The following SMOC1 variants were observed in gnomAD, a reference collection of about 807,000 sequenced individuals.
The protein encoded by SMOC1 is SPARC-related modular calcium-binding protein 1.
A neutral mutation model predicts 56.3 loss-of-function variants in SMOC1; 22 were observed. The observed-to-expected ratio is 0.39, with a 90% confidence interval of 0.28 to 0.56. SMOC1 has a LOEUF of 0.56. Ranked by LOEUF, SMOC1 falls within the 20% of genes least tolerant of loss-of-function variation. The probability of loss-of-function intolerance (pLI) is 0.61; values close to 1 mark genes in which losing one functional copy is unlikely to be tolerated. For missense variants in SMOC1, 509 were observed against 565.4 expected (o/e 0.90, Z 1.01); for synonymous variants, 193 against 215.0 (o/e 0.90, Z 0.89).
intron 1 of SMOC1, among the ~76,000 whole-genome samples, chr14:69,943,314 A>G (rs370846690): frequency 6.6e-6 from 1 of 152,256 alleles, no homozygotes; most frequent in East Asian, 1.9e-4. Context: ...TCCCTCTTCC[A>G]TCTTCACGGA....
intron 3 of SMOC1, among the ~76,000 whole-genome samples, chr14:69,972,608 A>G (rs1019605781): frequency 2.6e-5 from 4 of 152,064 alleles, no homozygotes; most frequent in Non-Finnish European, 4.4e-5. Context: ...GGCTCTGGGG[A>G]GAAAGGAGCT....
At chr14:69,969,994 A>G (rs10149245) in intron 3 of SMOC1, among the ~76,000 whole-genome samples, 4,967 of 151,750 alleles carry the variant, frequency 0.033, 160 homozygotes, top group Middle Eastern at 0.099. Flanking sequence ...TAGGAAAGCA[A>G]GGGTGATTGG....
chr14:70,025,534 C>A (rs1458668819), intron 11 of SMOC1, among the ~76,000 whole-genome samples: 1 of 152,168 alleles, frequency 6.6e-6, no homozygotes, highest in East Asian at 1.9e-4. Context: ...AGCAATGAGT[C>A]AATGGTTCAA....
At chr14:70,010,442 G>A (rs1403288587) in intron 7 of SMOC1, among the ~76,000 whole-genome samples, 2 of 152,226 alleles carry the variant, frequency 1.3e-5, no homozygotes, top group Non-Finnish European at 2.9e-5. Flanking sequence ...CCACCCTTGG[G>A]ACAAGCTGCC....
chr14:69,968,341 A>T (rs1181886873), intron 3 of SMOC1, among the ~76,000 whole-genome samples: 1 of 152,216 alleles, frequency 6.6e-6, no homozygotes, highest in East Asian at 1.9e-4. Context: ...AGGCCCAGCA[A>T]TGTTTTCATA....
chr14:69,903,912 AAAAAG>A (rs1414246048), intron 1 of SMOC1, among the ~76,000 whole-genome samples: 2 of 151,874 alleles, frequency 1.3e-5, no homozygotes, highest in Admixed American at 6.5e-5. Flanking sequence ...AAAAAAAAAA[AAAAAG>A]AAAGAAAACC....
chr14:69,956,522 T>G (rs576121650), intron 3 of SMOC1, among the ~76,000 whole-genome samples: 33 of 151,460 alleles, frequency 2.2e-4, no homozygotes, highest in Admixed American at 9.2e-4. Context: ...CTTTAGAATA[T>G]TGATATGCAC....
intron 1 of SMOC1, among the ~76,000 whole-genome samples, chr14:69,901,557 G>T (rs1158589218): frequency 6.6e-6 from 1 of 152,172 alleles, no homozygotes; most frequent in Non-Finnish European, 1.5e-5. Context: ...GGGGGATGTT[G>T]TGTTTGCATC....
chr14:69,955,000 A>C (rs1207990089), intron 3 of SMOC1, among the ~76,000 whole-genome samples: 1 of 152,208 alleles, frequency 6.6e-6, no homozygotes, highest in African/African-American at 2.4e-5. Flanking sequence ...TCAAATGGGC[A>C]GCCAGGCTTG....
intron 1 of SMOC1, among the ~76,000 whole-genome samples, chr14:69,921,078 G>A (rs923258214): frequency 4.6e-5 from 7 of 152,166 alleles, no homozygotes; most frequent in African/African-American, 1.4e-4. Context: ...TGTCCTGAGA[G>A]CTTCTCAGAG....
At chr14:69,969,910 A>G (rs1883699462) in intron 3 of SMOC1, among the ~76,000 whole-genome samples, 2 of 152,248 alleles carry the variant, frequency 1.3e-5, no homozygotes, top group Admixed American at 6.5e-5. Context: ...TGGAGAGAAC[A>G]GCAGCCTCAC....
In SMOC1 at chr14:69,953,594, G is replaced by A. The variant is rs990216713; in HGVS notation, c.378+62G>A. The A allele has an allele frequency of 1.8e-5, 25 of 1,397,912 alleles. No homozygotes were observed. In the East Asian group the frequency reaches 2.3e-4, roughly 13 times the overall value. The allele number at this position is 1,397,912 out of a possible 1,614,324, so 86.6% of individuals were successfully genotyped here. ...GACCGAGGCAGAGGGGAGGTGTCCC[G>A]AGAGCGCGAGGGCTGCTTGGCGCCT... is the stretch of plus-strand genomic sequence containing the variant. On this transcript the variant is annotated intron_variant, in intron 3 of 11. Transcript: ENST00000361956.
intron 10 of SMOC1, among the ~76,000 whole-genome samples, chr14:70,020,954 T>C (rs909758133): frequency 1.3e-5 from 2 of 152,044 alleles, no homozygotes; most frequent in African/African-American, 2.4e-5. Context: ...CAGAAACACG[T>C]GTTGGAGGGA....
intron 4 of SMOC1, among the ~76,000 whole-genome samples, 190 bp downstream of exon 4, chr14:69,976,004 TG>T (rs1883938683): frequency 6.6e-6 from 1 of 152,172 alleles, no homozygotes; most frequent in Non-Finnish European, 1.5e-5. Flanking sequence ...GTGTATGCCA[TG>T]TGTGTGTATT....
chr14:69,985,969 C>T (rs929874119), intron 5 of SMOC1, among the ~76,000 whole-genome samples: 8 of 152,116 alleles, frequency 5.3e-5, no homozygotes, highest in African/African-American at 1.9e-4. Context: ...GGGTTCGGTT[C>T]TATCCGCGGT....
At chr14:69,939,146 C>T (rs1181412760) in intron 1 of SMOC1, among the ~76,000 whole-genome samples, 1 of 152,208 alleles carries the variant, frequency 6.6e-6, no homozygotes, top group Admixed American at 6.5e-5. Context: ...TTAGTCTGTT[C>T]TCACGCTGCT....
At chr14:69,917,059 C>T (rs1884705703) in intron 1 of SMOC1, among the ~76,000 whole-genome samples, 1 of 152,228 alleles carries the variant, frequency 6.6e-6, no homozygotes, top group Non-Finnish European at 1.5e-5. Flanking sequence ...CAAACAAATT[C>T]AGAAGGAGCC....
chr14:69,939,785 C>T (rs1279969761), intron 1 of SMOC1, among the ~76,000 whole-genome samples: 1 of 152,200 alleles, frequency 6.6e-6, no homozygotes, highest in African/African-American at 2.4e-5. Flanking sequence ...CCCCTTAGTC[C>T]CCACTTTGGT....
chr14:70,003,340 CAT>C (rs1885035616), intron 7 of SMOC1, among the ~76,000 whole-genome samples: 1 of 152,106 alleles, frequency 6.6e-6, no homozygotes, highest in African/African-American at 2.4e-5. Context: ...GTCTGGGTAA[CAT>C]TTTAATTGAT....
Sources: gnomAD v4.1 joint callset for allele counts (sites outside exome capture counted in the v4.1 genomes callset) on GRCh38, gnomAD v4.1.1 for gene constraint, MANE v1.5 for transcripts, NCBI Gene and HGNC (gene_info 2026-07-23, HGNC 2026-07-21) for gene names.